TCF20: variants seen among roughly 807,000 people sequenced by gnomAD.
TCF20 encodes the protein transcription factor 20.
Under a neutral mutation model 148.6 loss-of-function variants are expected in TCF20, and 3 were observed. That is an observed-to-expected ratio of 0.02 (90% CI 0.01 to 0.05). The LOEUF is 0.05. Ranked by LOEUF, TCF20 falls within the 10% of genes least tolerant of loss-of-function variation. The probability of loss-of-function intolerance (pLI) is 1.00; values close to 1 mark genes in which losing one functional copy is unlikely to be tolerated. For synonymous variants in TCF20, 1,049 were observed against 909.5 expected (o/e 1.15, Z -2.76); for missense variants, 2,350 against 2,429.3 (o/e 0.97, Z 0.69).
At chr22:42,228,179 AT>A (rs1280463651) in intron 1 of TCF20, among the ~76,000 whole-genome samples, 1 of 152,108 alleles carries the variant, frequency 6.6e-6, no homozygotes, top group Admixed American at 6.5e-5. Context: ...AGAGCAGGGA[AT>A]TAGTTAGTTG....
At chr22:42,238,118 A>G (rs1053035636) in intron 1 of TCF20, among the ~76,000 whole-genome samples, 10 of 152,242 alleles carry the variant, frequency 6.6e-5, no homozygotes, top group African/African-American at 2.4e-4. Context: ...ATATCTGTTC[A>G]ATATAGCCAC....
chr22:42,244,810 T>C (rs1385398211), intron 1 of TCF20, among the ~76,000 whole-genome samples: 1 of 152,198 alleles, frequency 6.6e-6, no homozygotes, highest in South Asian at 2.1e-4. Context: ...CTGGGCGCAG[T>C]GGCTCACACC....
intron 1 of TCF20, among the ~76,000 whole-genome samples, chr22:42,260,977 C>G (rs983649464): frequency 1.3e-5 from 2 of 152,182 alleles, no homozygotes; most frequent in African/African-American, 4.8e-5. Context: ...CTAACCATTT[C>G]TATACTCTAA....
At chr22:42,269,715 C>T (rs990303013) in intron 1 of TCF20, 8 of 152,608 alleles carry the variant, frequency 5.2e-5, no homozygotes, top group African/African-American at 1.9e-4. Context: ...TGTCCTGCGC[C>T]GGGACCTTGC....
chr22:42,164,348 G>A (rs1267273407), intron 5 of TCF20, among the ~76,000 whole-genome samples: 2 of 151,742 alleles, frequency 1.3e-5, no homozygotes, highest in Non-Finnish European at 2.9e-5. Context: ...CCGAGTAGCT[G>A]GGACTACAGG....
chr22:42,221,746 T>TTTTTTTTTTG (rs1922385740), intron 1 of TCF20, among the ~76,000 whole-genome samples: 1 of 131,394 alleles, frequency 7.6e-6, no homozygotes, highest in Non-Finnish European at 1.6e-5. Context: ...AGGGTTTTTT[T>TTTTTTTTTTG]TTTTTTTTTT....
rs71184878 is a variant in TCF20, at chr22:42,251,492, CTTTTTT to C, written c.-37+18841_-37+18846del. On this transcript the variant is annotated intron_variant, in intron 1 of 5. Transcript: ENST00000677622. The stretch of plus-strand genomic sequence containing the variant: ...ACTCTGTACCTGGCCAAACAAGTGT[CTTTTTT>C]TTTTTTTTTTTTTTTTTTTTTTGAG... 2.9e-3 allele frequency among the ~76,000 whole-genome samples: 138 copies of C among 47,012 alleles called. 1 individual carries two copies. The highest frequency in any genetic ancestry group is 0.034 in the Middle Eastern group (2 of 58). The allele number at this position is 47,012 out of a possible 152,430, so 30.8% of individuals were successfully genotyped here. A position where few individuals can be genotyped will look rare whatever the true frequency, so the allele number is the denominator to read the frequency against.
At chr22:42,226,241 G>C (rs1922881656) in intron 1 of TCF20, among the ~76,000 whole-genome samples, 1 of 152,240 alleles carries the variant, frequency 6.6e-6, no homozygotes, top group Admixed American at 6.5e-5. Context: ...GGCTCCTGTG[G>C]GATTTTCTTA....
At chr22:42,219,154 T>C (rs890887616) in intron 1 of TCF20, among the ~76,000 whole-genome samples, 1 of 150,484 alleles carries the variant, frequency 6.6e-6, no homozygotes, top group Non-Finnish European at 1.5e-5. Context: ...GAGGCTGAGG[T>C]GTGAGGATCG....
intron 1 of TCF20, among the ~76,000 whole-genome samples, chr22:42,318,384 C>T (rs574336688): frequency 6.6e-6 from 1 of 152,264 alleles, no homozygotes; most frequent in African/African-American, 2.4e-5. Context: ...CTAAAATATA[C>T]AATAACACCC....
At chr22:42,286,832 C>T (rs1927040895), upstream of TCF20, among the ~76,000 whole-genome samples, 1 of 152,184 alleles carries the variant, frequency 6.6e-6, no homozygotes, top group South Asian at 2.1e-4. Context: ...CCAGGCCAGG[C>T]ACTTCGTAGA....
chr22:42,161,008 A>C lies in TCF20; in HGVS notation c.*395T>G. ...ATTTTAAAACAGAATCAAAAGGGAT[A>C]GCGCACCTTTCATTTAAACAAAGTC... On this transcript the variant is annotated 3_prime_UTR_variant, in exon 6 of 6. Coordinates refer to ENST00000677622, the MANE Select transcript of TCF20 (RefSeq NM_001378418.1). 1.4e-5 allele frequency: 3 copies of C among 219,798 alleles called. No individual in the cohort carries two copies. The highest frequency in any genetic ancestry group is 2.7e-5 in the Non-Finnish European group (3 of 112,002). 13.6% of individuals were successfully genotyped at this position (219,798 alleles called of 1,614,324 possible). A position where few individuals can be genotyped will look rare whatever the true frequency, so the allele number is the denominator to read the frequency against.
intron 1 of TCF20, among the ~76,000 whole-genome samples, chr22:42,254,139 C>T (rs1925591481): frequency 6.6e-6 from 1 of 150,460 alleles, no homozygotes; most frequent in Admixed American, 6.6e-5. Context: ...TGAGAGCTGG[C>T]AGCGAAATTT....
intron 1 of TCF20, among the ~76,000 whole-genome samples, chr22:42,236,756 A>C (rs1221813257): frequency 2.0e-5 from 3 of 152,248 alleles, no homozygotes; most frequent in Non-Finnish European, 4.4e-5. Flanking sequence ...GTCTGGTTCC[A>C]GACCGTGGCA....
At chr22:42,303,485 CA>C (rs1191030208) in intron 1 of TCF20, among the ~76,000 whole-genome samples, 2 of 152,260 alleles carry the variant, frequency 1.3e-5, no homozygotes, top group Admixed American at 1.3e-4. Context: ...ACCTGCACAA[CA>C]CCCCATGGGC....
At chr22:42,275,650 T>C (rs996721400), upstream of TCF20, among the ~76,000 whole-genome samples, 1 of 152,100 alleles carries the variant, frequency 6.6e-6, no homozygotes, top group Admixed American at 6.5e-5. Context: ...AACAAACCCA[T>C]GAGGCAGGGA....
chr22:42,321,187 C>G (rs1052035634), intron 1 of TCF20, among the ~76,000 whole-genome samples: 2 of 152,220 alleles, frequency 1.3e-5, no homozygotes, highest in African/African-American at 4.8e-5. Context: ...CCTGACCTCT[C>G]AGTGACGGAC....
chr22:42,237,389 T>C (rs941457859), intron 1 of TCF20, among the ~76,000 whole-genome samples: 2 of 152,216 alleles, frequency 1.3e-5, no homozygotes, highest in Admixed American at 6.5e-5. Context: ...CAGGCTCCAC[T>C]TTTAATTCGA....
chr22:42,176,696 A>G (rs1936474885), intron 3 of TCF20, among the ~76,000 whole-genome samples: 1 of 152,222 alleles, frequency 6.6e-6, no homozygotes, highest in Non-Finnish European at 1.5e-5. Context: ...GATACATCTA[A>G]TGCTCAAGTA....
Sources: gnomAD v4.1 joint callset for allele counts (sites outside exome capture counted in the v4.1 genomes callset) on GRCh38, gnomAD v4.1.1 for gene constraint, MANE v1.5 for transcripts, NCBI Gene and HGNC (gene_info 2026-07-23, HGNC 2026-07-21) for gene names.